Variants in AP5Z1 observed in about 807,000 individuals in gnomAD.
AP5Z1 encodes the protein adaptor related protein complex 5 subunit zeta 1.
AP5Z1 carries 106 observed loss-of-function variants against 83.0 expected under a neutral mutation model. The observed-to-expected ratio is 1.28, with a 90% CI of 1.09 to 1.50. AP5Z1 has a LOEUF of 1.50. AP5Z1 is among the 40% of genes most tolerant of loss of function. The probability of loss-of-function intolerance (pLI) is 0.00; values close to 1 mark genes in which losing one functional copy is unlikely to be tolerated. For missense variants in AP5Z1, 1,565 were observed against 1,094.2 expected, an observed-to-expected ratio of 1.43 and a Z score of -6.07; for synonymous variants, 751 against 514.1, an observed-to-expected ratio of 1.46 and a Z score of -6.23.
chr7:4,784,100 G>A, intron 5 of AP5Z1, 103 bp from the exon 6 acceptor site: 1 of 1,386,136 alleles, frequency 7.2e-7, no homozygotes, highest in Non-Finnish European at 9.6e-7. Context: ...CCGGGCTCAT[G>A]TTCAGGCAGC....
rs540320285 is a variant in AP5Z1 at position 4,784,189 on chromosome 7, T to C, written c.622-14T>C. The stretch of plus-strand genomic sequence containing the variant: ...TCGGCCCCCTCCGCCCACTCCTGCC[T>C]GTCCTTCCCACAGCCGGGCCCCGTC... On this transcript the variant is annotated splice_polypyrimidine_tract_variant and intron_variant, in intron 5 of 16. Transcript: ENST00000649063. 25 of 1,580,778 alleles carry C rather than the reference T, an allele frequency of 1.6e-5. No individual in the cohort carries two copies. The East Asian group carries it at 5.6e-4, about 35-fold the overall frequency.
At chr7:4,786,513 G>T in intron 10 of AP5Z1, 85 bp downstream of exon 10, 1 of 1,495,476 alleles carries the variant, frequency 6.7e-7, no homozygotes, top group Non-Finnish European at 9.2e-7. Context: ...GGTTCAGGGC[G>T]AGTCCTGGCT....
chr7:4,781,898 C>CT, intron 3 of AP5Z1, 144 bp downstream of exon 3: 1 of 1,024,088 alleles, frequency 9.8e-7, no homozygotes, highest in Non-Finnish European at 1.3e-6. Context: ...ACACTTGAGG[C>CT]TGGGGCATGC....
chr7:4,787,994 A>G (rs1781609582), intron 11 of AP5Z1, among the ~76,000 whole-genome samples, 160 bp from the exon 12 acceptor site: 1 of 151,636 alleles, frequency 6.6e-6, no homozygotes, highest in African/African-American at 2.4e-5. Flanking sequence ...GGAGTGCCTC[A>G]CCCGTCTTCA....
chr7:4,791,002 G>T, intron 16 of AP5Z1, 113 bp from the exon 17 acceptor site: 1 of 1,467,690 alleles, frequency 6.8e-7, no homozygotes, highest in East Asian at 2.5e-5. Context: ...TCCTGGGTGG[G>T]CCCTGCTGAG....
chr7:4,791,503 CCA>C lies in AP5Z1; in HGVS notation c.*120_*121del. On this transcript the variant is annotated 3_prime_UTR_variant, in exon 17 of 17. Coordinates refer to ENST00000649063, the MANE Select transcript of AP5Z1 (RefSeq NM_014855.3). ...GGAGTCCTGGGAGAGGAGGCAAGGCCCACGGTGGGCTTGGCACCCTCACAGAC... is the reference window on the plus strand; with the variant it reads ...GGAGTCCTGGGAGAGGAGGCAAGGCCCGGTGGGCTTGGCACCCTCACAGAC... 1.4e-6 allele frequency: 2 copies of C among 1,414,872 alleles called. No individual in the cohort carries two copies. Among genetic ancestry groups the C allele is most frequent in the Non-Finnish European group, 1.9e-6 (2 of 1,061,160 alleles). The allele number at this position is 1,414,872 out of a possible 1,614,324, so 87.6% of individuals were successfully genotyped here. A position where few individuals can be genotyped will look rare whatever the true frequency, so the allele number is the denominator to read the frequency against.
chr7:4,788,222 C>T lies in AP5Z1; in HGVS notation c.1523C>T (p.Ala508Val), dbSNP rs370879999. The change falls in exon 12 of 17, where the codon GCC becomes GTC. Residue 508 changes from alanine (A) to valine (V), a missense_variant. Transcript: ENST00000649063. ...CTCAGGGCCCCCAGCTGCCTGGAGGCCTTCCGGGACCCGCAGTTCCAGGGT... is the reference window on the plus strand; with the variant it reads ...CTCAGGGCCCCCAGCTGCCTGGAGGTCTTCCGGGACCCGCAGTTCCAGGGT... ...TSLRAPSCLEAFRDPQFQGLF... is the reference protein window; with the variant it reads ...TSLRAPSCLEVFRDPQFQGLF... 6 of 1,570,878 alleles carry T rather than the reference C, an allele frequency of 3.8e-6. No individual in the cohort carries two copies. The African/African-American group carries it at 8.1e-5, about 21-fold the overall frequency.
At position 4,785,638 on chromosome 7, in the gene AP5Z1, C is replaced by G; in HGVS notation, c.1086C>G (p.Ala362=). The G allele has an allele frequency of 6.4e-7, 1 of 1,567,032 alleles. No individual in the cohort carries two copies. Among genetic ancestry groups the G allele is most frequent in the South Asian group, 1.2e-5 (1 of 86,242 alleles). The change falls in exon 9 of 17, where the codon GCC becomes GCG. Residue 362 remains alanine, a synonymous_variant. Coordinates refer to ENST00000649063, the MANE Select transcript of AP5Z1 (RefSeq NM_014855.3). ...ALHGRVRGDP[A]SVRVLLPLAH... ...ACGGGCGGGTGCGCGGGGACCCGGC[C>G]TCTGTGCGGGTGCTGCTGCCCCTCG...
At chr7:4,781,989 T>C (rs565915441) in intron 3 of AP5Z1, among the ~76,000 whole-genome samples, 29 of 152,250 alleles carry the variant, frequency 1.9e-4, no homozygotes, top group African/African-American at 6.5e-4. Context: ...GAGTTTGGTT[T>C]CTCAGACAGA....
In AP5Z1 at chr7:4,787,702, T is replaced by C. The variant is rs772451064; in HGVS notation, c.1380T>C (p.Ala460=). ...CGCTCCTCCCGGCCCTGGTGGACGC[T>C]GGCACAGCCCTGGAGATGCTGCACG... The part of the protein sequence containing the change: ...FVALLPALVD[A]GTALEMLHAL... The change falls in exon 11 of 17, where the codon GCT becomes GCC. Residue 460 remains alanine (A), a synonymous_variant. Transcript: ENST00000649063. 1.9e-6 allele frequency: 3 copies of C among 1,551,884 alleles called. No individual in the cohort carries two copies. The highest frequency in any genetic ancestry group is 2.6e-6 in the Non-Finnish European group (3 of 1,149,024).
intron 14 of AP5Z1, 62 bp downstream of exon 14, chr7:4,789,991 C>CCCCCCCCCCCCCCCCCCCCCCCG: frequency 1.1e-6 from 1 of 904,898 alleles, no homozygotes; most frequent in Non-Finnish European, 1.5e-6. Context: ...TCCTCCCCCT[C>CCCCCCCCCCCCCCCCCCCCCCCG]TCCCCTCCCC....
chr7:4,790,645 G>A (rs1284482805), intron 15 of AP5Z1, 28 bp from the exon 16 acceptor site: 1 of 1,612,196 alleles, frequency 6.2e-7, no homozygotes, highest in East Asian at 2.2e-5. Flanking sequence ...GGCCTGGGTG[G>A]GGGCTGAATC....
Position 4,787,756 on chromosome 7 carries a change from G to A in AP5Z1, c.1434G>A (p.Ala478=), listed in dbSNP as rs75185826. 1.6e-4 allele frequency: 251 copies of A among 1,540,312 alleles called. No homozygotes were observed. In the African/African-American group the frequency reaches 3.1e-3, roughly 19 times the overall value. The change falls in exon 11 of 17, where the codon GCG becomes GCA. Residue 478 remains alanine (A), a synonymous_variant. Coordinates refer to ENST00000649063, the MANE Select transcript of AP5Z1 (RefSeq NM_014855.3). ...TGCTGGACCTGCCCTGCTTGACGGC[G>A]GTGCTGGACCTGCAGCTCAGGTGGG... ...HALLDLPCLT[A]VLDLQLRSAP...
At chr7:4,781,085 A>G (rs1583227489) in intron 1 of AP5Z1, 90 bp from the exon 2 acceptor site, 1 of 1,506,328 alleles carries the variant, frequency 6.6e-7, no homozygotes, top group Admixed American at 2.1e-5. Context: ...CTCTTTTCTA[A>G]AGAGGGATTT....
rs760187246 is a variant in AP5Z1, at chr7:4,790,486, G to A, written c.1833G>A (p.Leu611=). The part of the protein sequence containing the change: ...HSVLSSQFLA[L]CTLKPSLVVE... ...TGCTGAGTTCTCAGTTCCTGGCCCT[G>A]TGTACGCTGAAACCCTCCCTGGTGG... is the stretch of plus-strand genomic sequence containing the variant. The change falls in exon 15 of 17, where the codon CTG becomes CTA. Residue 611 remains leucine, a synonymous_variant. Transcript: ENST00000649063. The A allele has an allele frequency of 1.9e-6, 3 of 1,613,194 alleles. No homozygotes were observed. The highest frequency in any genetic ancestry group is 1.3e-5 in the African/African-American group (1 of 75,040).
Position 4,794,226 on chromosome 7 carries a change from A to G in AP5Z1, c.*2841A>G, listed in dbSNP as rs62453211. On this transcript the variant is annotated 3_prime_UTR_variant, in exon 17 of 17. Transcript: ENST00000649063. ...CTCAGGGATTGTAAACGCACCAATCAGCACCCTGTCAAAACAGACCACTCG... is the reference window on the plus strand; with the variant it reads ...CTCAGGGATTGTAAACGCACCAATCGGCACCCTGTCAAAACAGACCACTCG... 0.036 allele frequency: 5,489 copies of G among 152,328 alleles called. 141 individuals are homozygous for G. Among genetic ancestry groups the G allele is most frequent in the Middle Eastern group, 0.11 (31 of 294 alleles). The allele number at this position is 152,328 out of a possible 1,614,324, so 9.4% of individuals were successfully genotyped here.
rs1562408333 is a variant in AP5Z1, at chr7:4,785,565, A to AG, written c.1015dup (p.Asp339GlyfsTer71). 1 of 1,610,622 alleles carries AG rather than the reference A, an allele frequency of 6.2e-7. No homozygotes were observed. The highest frequency in any genetic ancestry group is 8.5e-7 in the Non-Finnish European group (1 of 1,179,058). On this transcript the variant is annotated frameshift_variant, in exon 9 of 17. Transcript: ENST00000649063. LOFTEE classifies it high-confidence loss of function. ...CTGGTGCTGGACGTGCTGTGCCGGCAGGACCCGTCCTTCCTGTACCGAAGT... is the reference window on the plus strand; with the variant it reads ...CTGGTGCTGGACGTGCTGTGCCGGCAGGGACCCGTCCTTCCTGTACCGAAGT...
At position 4,788,199 on chromosome 7, in the gene AP5Z1, C is replaced by G. The variant is rs374604255; in HGVS notation, c.1500C>G (p.Leu500=). The G allele has an allele frequency of 1.2e-5, 18 of 1,561,888 alleles. No individual in the cohort carries two copies. The highest frequency in any genetic ancestry group is 1.5e-5 in the Non-Finnish European group (17 of 1,154,216). ...ASERPLWDTS[L]RAPSCLEAFR... ...AGAGGCCACTCTGGGACACCTCTCT[C>G]AGGGCCCCCAGCTGCCTGGAGGCCT... is the stretch of plus-strand genomic sequence containing the variant. The change falls in exon 12 of 17, where the codon CTC becomes CTG. Residue 500 remains leucine (L), a synonymous_variant. Coordinates refer to ENST00000649063, the MANE Select transcript of AP5Z1 (RefSeq NM_014855.3).
chr7:4,791,817 C>G lies in AP5Z1; in HGVS notation c.*432C>G, dbSNP rs149131747. 2.4e-3 allele frequency: 398 copies of G among 164,676 alleles called. No homozygotes were observed. Among genetic ancestry groups the G allele is most frequent in the African/African-American group, 8.9e-3 (372 of 41,946 alleles). The allele number at this position is 164,676 out of a possible 1,614,324, so 10.2% of individuals were successfully genotyped here. ...CTGCCCTGCACCCTGGGGAGAGGAC[C>G]AGGGATGGGAACCCCTGGCAGCTGC... On this transcript the variant is annotated 3_prime_UTR_variant, in exon 17 of 17. Coordinates refer to ENST00000649063, the MANE Select transcript of AP5Z1 (RefSeq NM_014855.3).
Sources: allele counts gnomAD v4.1 joint callset (sites outside exome capture counted in the v4.1 genomes callset), GRCh38; gene constraint gnomAD v4.1.1; transcripts MANE v1.5; gene names NCBI Gene and HGNC (gene_info 2026-07-23, HGNC 2026-07-21).